PDGFC: variants seen among roughly 807,000 people sequenced by gnomAD.
PDGFC encodes platelet derived growth factor C, also known as platelet-derived growth factor C.
In PDGFC, 12 loss-of-function variants were observed where a neutral mutation model predicts 35.5. The ratio of observed to expected loss-of-function variants is 0.34; its 90% confidence interval spans 0.22 to 0.55. The LOEUF (loss-of-function observed/expected upper bound fraction) is 0.55. Among genes scored for constraint, PDGFC ranks in the 20% least tolerant of loss-of-function variants. The pLI is 0.91. For missense variants in PDGFC, 322 were observed against 412.4 expected (o/e 0.78, Z 1.90); for synonymous variants, 159 against 148.8 (o/e 1.07, Z -0.50).
rs373046939 is a variant in PDGFC, at chr4:156,915,859, T to A, written c.118+54927A>T. Reference sequence around the variant, plus strand: ...TCTCACAAGTATTTAAGACAGTCTTTTGCTTGATCCCCAAAGAATAGAAGC... The same window carrying A: ...TCTCACAAGTATTTAAGACAGTCTTATGCTTGATCCCCAAAGAATAGAAGC... On this transcript the variant is annotated intron_variant, in intron 1 of 5. Coordinates refer to ENST00000502773, the MANE Select transcript of PDGFC (RefSeq NM_016205.3). Among the ~76,000 whole-genome samples, 15 of 152,182 alleles carry A rather than the reference T, an allele frequency of 9.9e-5. No homozygotes were observed. In the East Asian group the frequency reaches 2.7e-3, roughly 28 times the overall value.
At chr4:156,956,554 C>T (rs1033560719) in intron 1 of PDGFC, among the ~76,000 whole-genome samples, 3 of 151,872 alleles carry the variant, frequency 2.0e-5, no homozygotes, top group East Asian at 1.9e-4. Context: ...GTGGGTGACA[C>T]GGCATTGGAA....
chr4:156,854,835 T>A (rs1729536399), intron 1 of PDGFC, among the ~76,000 whole-genome samples: 2 of 152,066 alleles, frequency 1.3e-5, no homozygotes, highest in Admixed American at 1.3e-4. Context: ...AAGTTTATAG[T>A]CAAATCACTA....
At chr4:156,819,869 C>A (rs1732199937) in intron 2 of PDGFC, among the ~76,000 whole-genome samples, 1 of 152,146 alleles carries the variant, frequency 6.6e-6, no homozygotes, top group Non-Finnish European at 1.5e-5. Flanking sequence ...ATTCTTGATG[C>A]CATTAACAAT....
intron 2 of PDGFC, among the ~76,000 whole-genome samples, chr4:156,834,211 C>T (rs1347973679): frequency 6.6e-6 from 1 of 152,090 alleles, no homozygotes; most frequent in East Asian, 1.9e-4. Context: ...ATATCTGAAT[C>T]TTGCTAAGTT....
Position 156,931,246 on chromosome 4 carries a change from T to A in PDGFC, c.118+39540A>T, listed in dbSNP as rs181299009. Among the ~76,000 whole-genome samples, 24 of 152,308 alleles carry A rather than the reference T, an allele frequency of 1.6e-4. No homozygotes were observed. The East Asian group carries it at 4.6e-3, about 29-fold the overall frequency. On this transcript the variant is annotated intron_variant, in intron 1 of 5. Transcript: ENST00000502773. ...CAGGTATTTCCTGTTATTAAAACTTTTTTGGCTTACCTTCCGAAGGCTAAT... is the reference window on the plus strand; with the variant it reads ...CAGGTATTTCCTGTTATTAAAACTTATTTGGCTTACCTTCCGAAGGCTAAT...
At chr4:156,785,040 CT>C (rs1027242806) in intron 3 of PDGFC, among the ~76,000 whole-genome samples, 1 of 152,150 alleles carries the variant, frequency 6.6e-6, no homozygotes, top group Non-Finnish European at 1.5e-5. Context: ...CCATTTTATT[CT>C]CAATAATTTT....
chr4:156,890,770 A>C (rs905461175), intron 1 of PDGFC, among the ~76,000 whole-genome samples: 1 of 152,266 alleles, frequency 6.6e-6, no homozygotes, highest in Non-Finnish European at 1.5e-5. Flanking sequence ...GTGCAATGTT[A>C]CATGTGAATA....
chr4:156,822,220 G>T (rs190386895), intron 2 of PDGFC, among the ~76,000 whole-genome samples: 2 of 151,832 alleles, frequency 1.3e-5, no homozygotes, highest in Non-Finnish European at 2.9e-5. Flanking sequence ...TTAGCCGGGC[G>T]TGGTGGTGGG....
chr4:156,784,879 A>G (rs1220154290), intron 3 of PDGFC, among the ~76,000 whole-genome samples: 1 of 152,242 alleles, frequency 6.6e-6, no homozygotes, highest in African/African-American at 2.4e-5. Flanking sequence ...CATATTCAGA[A>G]TTTTTATCTT....
chr4:156,849,653 AT>A (rs1237789080), intron 2 of PDGFC, among the ~76,000 whole-genome samples: 1 of 152,100 alleles, frequency 6.6e-6, no homozygotes, highest in Admixed American at 6.5e-5. Context: ...TAGGATAATT[AT>A]GACGAATTCC....
chr4:156,855,039 A>G (rs1729541014), intron 1 of PDGFC, among the ~76,000 whole-genome samples: 1 of 152,124 alleles, frequency 6.6e-6, no homozygotes, highest in South Asian at 2.1e-4. Flanking sequence ...AATTTAAAAA[A>G]GGAAAAGAAG....
chr4:156,856,550 T>C (rs933223968), intron 1 of PDGFC, among the ~76,000 whole-genome samples: 2 of 152,144 alleles, frequency 1.3e-5, no homozygotes, highest in African/African-American at 4.8e-5. Flanking sequence ...GTGAATATTT[T>C]AATCATAATT....
chr4:156,799,782 T>A (rs1025631269), intron 3 of PDGFC, among the ~76,000 whole-genome samples: 1 of 152,192 alleles, frequency 6.6e-6, no homozygotes, highest in Non-Finnish European at 1.5e-5. Context: ...TTTCTTAGAC[T>A]CCAGGTGACA....
chr4:156,950,626 G>A (rs1027356430), intron 1 of PDGFC, among the ~76,000 whole-genome samples: 1 of 151,438 alleles, frequency 6.6e-6, no homozygotes, highest in Non-Finnish European at 1.5e-5. Flanking sequence ...AGTTTAATTT[G>A]TAGTTTAACT....
At chr4:156,900,534 C>A (rs747104797) in intron 1 of PDGFC, among the ~76,000 whole-genome samples, 1 of 151,980 alleles carries the variant, frequency 6.6e-6, no homozygotes, top group Non-Finnish European at 1.5e-5. Context: ...TGAACAAGAA[C>A]GAACTAGTTA....
At chr4:156,924,130 T>G (rs1310941548) in intron 1 of PDGFC, among the ~76,000 whole-genome samples, 2 of 152,194 alleles carry the variant, frequency 1.3e-5, no homozygotes, top group African/African-American at 4.8e-5. Flanking sequence ...ACTCAATATG[T>G]TGGCCAAACG....
intron 2 of PDGFC, among the ~76,000 whole-genome samples, chr4:156,830,437 A>T (rs1728899985): frequency 1.3e-5 from 2 of 152,102 alleles, no homozygotes; most frequent in African/African-American, 4.8e-5. Context: ...GATCTGATGA[A>T]ACACAACTTT....
rs75873077 is a variant in PDGFC at position 156,939,936 on chromosome 4, C to T, written c.118+30850G>A. Among the ~76,000 whole-genome samples the T allele has an allele frequency of 2.6e-4, 40 of 152,184 alleles. 1 individual carries two copies. The East Asian group carries it at 7.5e-3, about 29-fold the overall frequency. On this transcript the variant is annotated intron_variant, in intron 1 of 5. Transcript: ENST00000502773. ...TGAAATTGGTAAACAATTGCAGTTG[C>T]TCTGCAACACTAGTTTCTAGAAGCA...
chr4:156,788,693 AG>A (rs1346377131), intron 3 of PDGFC, among the ~76,000 whole-genome samples: 1 of 152,228 alleles, frequency 6.6e-6, no homozygotes, highest in South Asian at 2.1e-4. Flanking sequence ...TCAGTTTTAA[AG>A]AGGACTATTT....
Sources: gnomAD v4.1 joint callset for allele counts (sites outside exome capture counted in the v4.1 genomes callset) on GRCh38, gnomAD v4.1.1 for gene constraint, MANE v1.5 for transcripts, NCBI Gene and HGNC (gene_info 2026-07-23, HGNC 2026-07-21) for gene names.